Variants in NRXN1 observed in about 807,000 individuals in gnomAD.
NRXN1 encodes the protein neurexin-1.
Under a neutral mutation model 150.9 loss-of-function variants are expected in NRXN1, and 39 were observed. The ratio of observed to expected loss-of-function variants is 0.26; its 90% CI spans 0.20 to 0.34. NRXN1 has a LOEUF of 0.34. Ranked by LOEUF, NRXN1 falls within the 10% of genes least tolerant of loss-of-function variation. The pLI, the probability that NRXN1 is intolerant of heterozygous loss-of-function variation, is 1.00. For synonymous variants in NRXN1, 924 were observed against 757.0 expected, an observed-to-expected ratio of 1.22 and a Z score of -3.62; for missense variants, 1,815 against 1,949.9, an observed-to-expected ratio of 0.93 and a Z score of 1.30.
intron 2 of NRXN1, among the ~76,000 whole-genome samples, chr2:51,011,135 C>A (rs1471104402): frequency 6.6e-6 from 1 of 151,914 alleles, no homozygotes; most frequent in Non-Finnish European, 1.5e-5. Flanking sequence ...CATTTTAATT[C>A]ACGTCTTTAC....
intron 21 of NRXN1, among the ~76,000 whole-genome samples, chr2:50,004,585 AT>A (rs1485119075): frequency 1.3e-5 from 2 of 152,058 alleles, no homozygotes; most frequent in Admixed American, 1.3e-4. Flanking sequence ...GTTCATTTAG[AT>A]TTTTCCTTCT....
At chr2:50,572,444 T>C (rs115989480) in intron 8 of NRXN1, among the ~76,000 whole-genome samples, 1,636 of 152,346 alleles carry the variant, frequency 0.011, 32 homozygotes, top group African/African-American at 0.037. Context: ...TTCATAAGAA[T>C]AGACTTATTT....
intron 10 of NRXN1, among the ~76,000 whole-genome samples, chr2:50,537,507 T>A (rs761048063): frequency 2.6e-5 from 4 of 152,208 alleles, no homozygotes; most frequent in Non-Finnish European, 4.4e-5. Flanking sequence ...TGAATCCTCA[T>A]TCCTTTTATT....
At chr2:50,385,581 C>T (rs184289823) in intron 17 of NRXN1, among the ~76,000 whole-genome samples, 18 of 152,260 alleles carry the variant, frequency 1.2e-4, no homozygotes, top group African/African-American at 3.6e-4. Context: ...GTGCCATTTT[C>T]GTATTTCTTT....
intron 17 of NRXN1, among the ~76,000 whole-genome samples, chr2:50,455,241 G>A (rs1430280297): frequency 6.6e-6 from 1 of 152,158 alleles, no homozygotes; most frequent in Non-Finnish European, 1.5e-5. Context: ...TATTGAGATA[G>A]TGGAGAGAGA....
chr2:51,027,721 G>T lies in NRXN1; in HGVS notation c.553C>A (p.Arg185Ser). The change falls in exon 2 of 23, where the codon CGT becomes AGT. Residue 185 changes from arginine (R) to serine (S), a missense_variant. Arg to Ser is a moderately radical substitution (Grantham distance 110). This residue lies in a region of NRXN1 where 554 missense variants were observed against 478.8 expected (regional missense o/e 1.16). Transcript: ENST00000401669. ...REREPFKGWI[R>S]DVRVNSSQVL... The stretch of plus-strand genomic sequence containing the variant: ...TGCGAGGAGTTGACCCTCACGTCAC[G>T]AATCCACCCCTTGAAGGGCTCCCGC... 1 of 1,609,970 alleles carries T rather than the reference G, an allele frequency of 6.2e-7. No individual in the cohort carries two copies.
Position 50,649,717 on chromosome 2 carries a change from T to C in NRXN1, c.833-26102A>G, listed in dbSNP as rs75673838. Among the ~76,000 whole-genome samples, 1,368 of 152,120 alleles carry C rather than the reference T, an allele frequency of 9.0e-3. 14 individuals carry two copies. The highest frequency in any genetic ancestry group is 0.031 in the South Asian group (151 of 4,822). ...GTGAAATCGGAGTGAAATGGATTAATATATCATTGTCTGAAAATTGTTACA... is the reference window on the plus strand; with the variant it reads ...GTGAAATCGGAGTGAAATGGATTAACATATCATTGTCTGAAAATTGTTACA... On this transcript the variant is annotated intron_variant, in intron 5 of 22. Coordinates refer to ENST00000401669, the MANE Select transcript of NRXN1 (RefSeq NM_001330078.2).
At position 50,440,010 on chromosome 2, in the gene NRXN1, A is replaced by G. The variant is rs1219488950; in HGVS notation, c.3364+25432T>C. 2.6e-5 allele frequency among the ~76,000 whole-genome samples: 4 copies of G among 152,300 alleles called. No individual in the cohort carries two copies. The East Asian group carries it at 7.7e-4, about 29-fold the overall frequency. ...AGCATGGATTTCAATCTCCACCCAAAGAGTCCAAAGCCCACACTGGATCAT... is the reference window on the plus strand; with the variant it reads ...AGCATGGATTTCAATCTCCACCCAAGGAGTCCAAAGCCCACACTGGATCAT... On this transcript the variant is annotated intron_variant, in intron 17 of 22. Transcript: ENST00000401669.
chr2:50,747,618 C>A (rs943611898), intron 5 of NRXN1, among the ~76,000 whole-genome samples: 2 of 152,060 alleles, frequency 1.3e-5, no homozygotes, highest in African/African-American at 4.8e-5. Flanking sequence ...ATCTCATCTT[C>A]TTTAATAGAC....
At chr2:50,277,335 A>G (rs1025385762) in intron 17 of NRXN1, among the ~76,000 whole-genome samples, 5 of 142,578 alleles carry the variant, frequency 3.5e-5, no homozygotes, top group African/African-American at 1.3e-4. Flanking sequence ...TTTCCTAACA[A>G]TGTGAGCAGT....
At chr2:50,679,927 G>A (rs889763220) in intron 5 of NRXN1, among the ~76,000 whole-genome samples, 29 of 152,070 alleles carry the variant, frequency 1.9e-4, no homozygotes, top group Middle Eastern at 3.4e-3. Flanking sequence ...GAGCCCAGGA[G>A]TTCCAGACCA....
rs771259302 is a variant in NRXN1, at chr2:50,497,322, C to A, written c.2879+11G>T. ...TTTTATTTATTTGCTATTGAACAGG[C>A]ATGTACTCACCCTTTAACTAATTCA... On this transcript the variant is annotated intron_variant, in intron 14 of 22. Transcript: ENST00000401669. 6.6e-6 allele frequency: 10 copies of A among 1,512,282 alleles called. No individual in the cohort carries two copies. In the Admixed American group the frequency reaches 1.9e-4, roughly 29 times the overall value. 93.7% of individuals were successfully genotyped at this position (1,512,282 alleles called of 1,614,324 possible).
intron 2 of NRXN1, among the ~76,000 whole-genome samples, chr2:50,971,498 A>G (rs1307394004): frequency 6.6e-6 from 1 of 151,956 alleles, no homozygotes; most frequent in African/African-American, 2.4e-5. Flanking sequence ...CAGGAGAATC[A>G]CTTGAACCCA....
chr2:50,267,320 A>C (rs2069013876), intron 17 of NRXN1, among the ~76,000 whole-genome samples: 1 of 152,196 alleles, frequency 6.6e-6, no homozygotes, highest in African/African-American at 2.4e-5. Flanking sequence ...TTTTCTCAGA[A>C]ATACTATGTT....
chr2:51,002,339 A>G (rs1575181721), intron 2 of NRXN1, among the ~76,000 whole-genome samples: 1 of 152,140 alleles, frequency 6.6e-6, no homozygotes, highest in East Asian at 1.9e-4. Context: ...AGAAGCACTA[A>G]TAAAATGTTG....
chr2:50,831,718 A>T (rs1425707419), intron 5 of NRXN1, among the ~76,000 whole-genome samples: 1 of 152,244 alleles, frequency 6.6e-6, no homozygotes, highest in East Asian at 1.9e-4. Flanking sequence ...ATTTGGACTG[A>T]ATTTCCAGCC....
chr2:50,495,337 A>C (rs1402844535), intron 15 of NRXN1, among the ~76,000 whole-genome samples: 3 of 132,128 alleles, frequency 2.3e-5, no homozygotes, highest in Admixed American at 8.0e-5. Context: ...CTGGTGAAAG[A>C]AGCATTCCGT....
At chr2:50,943,914 A>G (rs1360126129) in intron 2 of NRXN1, among the ~76,000 whole-genome samples, 2 of 152,190 alleles carry the variant, frequency 1.3e-5, no homozygotes, top group Non-Finnish European at 2.9e-5. Context: ...TTACTTAAGA[A>G]GCAAATATTA....
At chr2:50,272,131 C>T (rs992966871) in intron 17 of NRXN1, among the ~76,000 whole-genome samples, 31 of 152,310 alleles carry the variant, frequency 2.0e-4, no homozygotes, top group Admixed American at 1.4e-3. Context: ...AGAGAACACA[C>T]AGGCTGGCTG....
Sources: gnomAD v4.1 joint callset for allele counts (sites outside exome capture counted in the v4.1 genomes callset) on GRCh38, gnomAD v4.1.1 for gene constraint, gnomAD v4.1.1 regional missense constraint, MANE v1.5 for transcripts, NCBI Gene and HGNC (gene_info 2026-07-23, HGNC 2026-07-21) for gene names.